Variants in SLIT3 observed in about 807,000 individuals in gnomAD.
SLIT3 encodes the protein slit guidance ligand 3.
Under a neutral mutation model 184.0 loss-of-function variants are expected in SLIT3, and 68 were observed. That is an observed-to-expected ratio of 0.37 (90% confidence interval 0.30 to 0.45). The LOEUF is 0.45. SLIT3 is among the 20% of genes least tolerant of loss of function. The pLI is 1.00. For missense variants in SLIT3, 1,707 were observed against 2,026.0 expected (o/e 0.84, Z 3.02); for synonymous variants, 831 against 828.6 (o/e 1.00, Z -0.05).
chr5:168,958,719 A>C (rs1401151966), intron 4 of SLIT3, among the ~76,000 whole-genome samples: 1 of 152,230 alleles, frequency 6.6e-6, no homozygotes, highest in Non-Finnish European at 1.5e-5. Context: ...GGTTTCGGGA[A>C]GAGATCAGAA....
intron 4 of SLIT3, chr5:169,022,279 A>G (rs917513093): frequency 2.6e-5 from 4 of 152,236 alleles, no homozygotes; most frequent in Non-Finnish European, 5.9e-5. Context: ...GGGAAGAAGC[A>G]TATTGAGTGA....
chr5:169,066,159 A>T (rs561479374), intron 4 of SLIT3, among the ~76,000 whole-genome samples: 1 of 152,350 alleles, frequency 6.6e-6, no homozygotes, highest in Non-Finnish European at 1.5e-5. Context: ...ATTTTTGAGC[A>T]GTCTGGAATT....
At chr5:169,248,534 G>A (rs776449509) in intron 2 of SLIT3, among the ~76,000 whole-genome samples, 6 of 152,268 alleles carry the variant, frequency 3.9e-5, no homozygotes, top group South Asian at 2.1e-4. Context: ...AGGGGAATCC[G>A]GGAAGGGCTG....
At chr5:169,193,620 T>G (rs1471851169) in intron 3 of SLIT3, 70 bp from the exon 4 acceptor site, 2 of 1,144,668 alleles carry the variant, frequency 1.7e-6, no homozygotes, top group Non-Finnish European at 2.7e-6. Context: ...CAGATACCAC[T>G]TTAATCAATC....
intron 28 of SLIT3, among the ~76,000 whole-genome samples, chr5:168,693,446 G>A (rs1039847328): frequency 6.6e-6 from 1 of 152,212 alleles, no homozygotes; most frequent in Non-Finnish European, 1.5e-5. Flanking sequence ...ACCCAGGGAT[G>A]GCCCTTGCAG....
At chr5:168,887,224 T>C (rs997797975) in intron 4 of SLIT3, among the ~76,000 whole-genome samples, 1 of 152,092 alleles carries the variant, frequency 6.6e-6, no homozygotes, top group East Asian at 1.9e-4. Flanking sequence ...AGGAGGAACA[T>C]GTTCTCCTCT....
At chr5:169,173,145 C>A (rs1470472697) in intron 4 of SLIT3, among the ~76,000 whole-genome samples, 1 of 152,306 alleles carries the variant, frequency 6.6e-6, no homozygotes, top group Non-Finnish European at 1.5e-5. Context: ...CCTATAATCC[C>A]AGCTACTTGG....
chr5:168,906,027 T>C (rs1208092986), intron 4 of SLIT3, among the ~76,000 whole-genome samples: 2 of 152,154 alleles, frequency 1.3e-5, no homozygotes, highest in Non-Finnish European at 2.9e-5. Flanking sequence ...TGAACTCTAA[T>C]CATCAGCAAG....
chr5:169,001,636 C>T (rs1755706053), intron 4 of SLIT3, among the ~76,000 whole-genome samples: 1 of 152,092 alleles, frequency 6.6e-6, no homozygotes, highest in East Asian at 1.9e-4. Context: ...GAAAAATGAA[C>T]AATTCTTGGT....
At chr5:169,254,948 C>A (rs1405770971) in intron 1 of SLIT3, among the ~76,000 whole-genome samples, 1 of 152,220 alleles carries the variant, frequency 6.6e-6, no homozygotes, top group African/African-American at 2.4e-5. Flanking sequence ...ATAATACAGT[C>A]ATGTAACATA....
chr5:168,708,236 C>G (rs962647917), intron 25 of SLIT3, 136 bp from the exon 26 acceptor site: 6 of 1,184,436 alleles, frequency 5.1e-6, no homozygotes, highest in Non-Finnish European at 7.2e-6. Context: ...GCAGCTGGCT[C>G]TCCTCAGCCA....
Position 169,110,638 on chromosome 5 carries a change from C to A in SLIT3, c.413+82841G>T, listed in dbSNP as rs530274413. Among the ~76,000 whole-genome samples, 18 of 152,300 alleles carry A rather than the reference C, an allele frequency of 1.2e-4. No homozygotes were observed. In the South Asian group the frequency reaches 3.1e-3, roughly 26 times the overall value. On this transcript the variant is annotated intron_variant, in intron 4 of 35. Transcript: ENST00000519560. ...ATCTAAACTTGATCATCTGTAAAGA[C>A]CCTATTTCCAAATGAGGTAACATTC...
chr5:168,750,544 G>C (rs1754659659), intron 18 of SLIT3, among the ~76,000 whole-genome samples: 1 of 152,196 alleles, frequency 6.6e-6, no homozygotes, highest in African/African-American at 2.4e-5. Context: ...CTCAGTAGCT[G>C]TGTGAAGCGG....
intron 20 of SLIT3, among the ~76,000 whole-genome samples, chr5:168,730,266 T>C (rs537345211): frequency 2.6e-5 from 4 of 151,634 alleles, no homozygotes; most frequent in African/African-American, 4.8e-5. Context: ...CAGACGACAA[T>C]ACAATAATAG....
chr5:169,099,490 A>ACTGTGTGCTCTTCACAGTGCTGACTGTT lies in SLIT3; in HGVS notation c.413+93961_413+93988dup, dbSNP rs1759925884. Among the ~76,000 whole-genome samples, 3 of 152,196 alleles carry ACTGTGTGCTCTTCACAGTGCTGACTGTT rather than the reference A, an allele frequency of 2.0e-5. No homozygotes were observed. The South Asian group carries it at 6.2e-4, about 32-fold the overall frequency. On this transcript the variant is annotated intron_variant, in intron 4 of 35. Transcript: ENST00000519560. ...AATCACTAACACATGTTTAGCAACTACTGTGTGCTCTTCACAGTGCTGACT... is the reference window on the plus strand; with the variant it reads ...AATCACTAACACATGTTTAGCAACTACTGTGTGCTCTTCACAGTGCTGACTGTTCTGTGTGCTCTTCACAGTGCTGACT...
intron 4 of SLIT3, among the ~76,000 whole-genome samples, chr5:169,167,971 T>C (rs1399150590): frequency 6.6e-6 from 1 of 152,244 alleles, no homozygotes; most frequent in Non-Finnish European, 1.5e-5. Context: ...CACATCTCTC[T>C]TGGAACTCTA....
intron 35 of SLIT3, chr5:168,666,932 G>C: frequency 1.6e-6 from 1 of 641,432 alleles, no homozygotes; most frequent in Non-Finnish European, 2.8e-6. Flanking sequence ...ACAAAAGCAG[G>C]CTTGGTCCCT....
Position 169,244,629 on chromosome 5 carries a change from A to AAAAAC in SLIT3, c.341+71_341+75dup, listed in dbSNP as rs757376022. 149 of 1,397,468 alleles carry AAAAAC rather than the reference A, an allele frequency of 1.1e-4. 1 individual carries two copies. Among genetic ancestry groups the AAAAAC allele is most frequent in the Middle Eastern group, 5.3e-4 (3 of 5,636 alleles). 86.6% of individuals were successfully genotyped at this position (1,397,468 alleles called of 1,614,324 possible). Reference sequence around the variant, plus strand: ...TAACAAGGTTATAAGGCCAATTTACAAAAACAAAACAAAACAAAACAAAAA... The same window carrying AAAAAC: ...TAACAAGGTTATAAGGCCAATTTACAAAAACAAAACAAAACAAAACAAAACAAAAA... On this transcript the variant is annotated intron_variant, in intron 3 of 35. Coordinates refer to ENST00000519560, the MANE Select transcript of SLIT3 (RefSeq NM_003062.4).
chr5:169,097,685 G>C (rs911158169), intron 4 of SLIT3, among the ~76,000 whole-genome samples: 1 of 152,202 alleles, frequency 6.6e-6, no homozygotes, highest in African/African-American at 2.4e-5. Flanking sequence ...GGGGCTGTTG[G>C]AGGAGGCAGT....
Sources: gnomAD v4.1 joint callset for allele counts (sites outside exome capture counted in the v4.1 genomes callset) on GRCh38, gnomAD v4.1.1 for gene constraint, MANE v1.5 for transcripts, NCBI Gene and HGNC (gene_info 2026-07-23, HGNC 2026-07-21) for gene names.